The following MAML2 variants were observed in gnomAD, a reference collection of about 807,000 sequenced individuals.
MAML2 encodes the protein mastermind like transcriptional coactivator 2, also known as mastermind-like protein 2.
Under a neutral mutation model 96.1 loss-of-function variants are expected in MAML2, and 22 were observed. The ratio of observed to expected loss-of-function variants is 0.23; its 90% CI spans 0.16 to 0.33. MAML2 has a LOEUF of 0.33. Among genes scored for constraint, MAML2 ranks in the 10% least tolerant of loss-of-function variants. The pLI is 1.00. For synonymous variants in MAML2, 561 were observed against 521.3 expected (o/e 1.08, Z -1.04); for missense variants, 1,367 against 1,392.4 (o/e 0.98, Z 0.29).
intron 2 of MAML2, among the ~76,000 whole-genome samples, chr11:96,087,623 C>T (rs1243743441): frequency 6.6e-6 from 1 of 152,194 alleles, no homozygotes; most frequent in African/African-American, 2.4e-5. Context: ...AGGTATGTCA[C>T]CATTTTTTTA....
chr11:96,131,157 C>G (rs1279844007), intron 1 of MAML2, among the ~76,000 whole-genome samples: 1 of 152,018 alleles, frequency 6.6e-6, no homozygotes, highest in Non-Finnish European at 1.5e-5. Flanking sequence ...TAAAAAGATA[C>G]TCCAGACATT....
chr11:96,287,135 C>T (rs1414391164), intron 1 of MAML2, among the ~76,000 whole-genome samples: 2 of 152,194 alleles, frequency 1.3e-5, no homozygotes, highest in African/African-American at 4.8e-5. Flanking sequence ...AGAATATTGT[C>T]ATCAGATAGT....
rs766133743 is a variant in MAML2, at chr11:96,092,207, CTGT to C, written c.1821_1823del (p.Gln621del). 3,004 of 1,143,112 alleles carry C rather than the reference CTGT, an allele frequency of 2.6e-3. 16 individuals are homozygous for C. Among genetic ancestry groups the C allele is most frequent in the East Asian group, 5.4e-4 (14 of 25,948 alleles). 70.8% of individuals were successfully genotyped at this position (1,143,112 alleles called of 1,614,324 possible). On this transcript the variant is annotated inframe_deletion, in exon 2 of 5. Coordinates refer to ENST00000524717, the MANE Select transcript of MAML2 (RefSeq NM_032427.4). The surrounding 1 kb of genome is among the most constrained non-coding windows in gnomAD (Gnocchi z 4.1). ...GCTGTTGCTGTTGCTGCTGCTGCTG[CTGT>C]TGCTGCTGCTGCTGCTGCTGCTGCT...
At chr11:96,286,693 A>G (rs1180682623) in intron 1 of MAML2, among the ~76,000 whole-genome samples, 1 of 151,238 alleles carries the variant, frequency 6.6e-6, no homozygotes, top group Non-Finnish European at 1.5e-5. Context: ...TGAATAAATT[A>G]CTATGCCAAT....
chr11:96,217,679 A>G (rs1157631762), intron 1 of MAML2, among the ~76,000 whole-genome samples: 2 of 152,266 alleles, frequency 1.3e-5, no homozygotes, highest in East Asian at 3.8e-4. Context: ...CTAGTTGATC[A>G]TATACCTGAG....
At chr11:96,265,475 G>A (rs567160726) in intron 1 of MAML2, among the ~76,000 whole-genome samples, 3 of 149,972 alleles carry the variant, frequency 2.0e-5, no homozygotes, top group Admixed American at 2.0e-4. Flanking sequence ...TGGAAGAGGG[G>A]AAGGGAAGTG....
intron 1 of MAML2, among the ~76,000 whole-genome samples, chr11:96,112,042 T>A (rs1860133027): frequency 6.6e-6 from 1 of 152,058 alleles, no homozygotes. Context: ...AACAAGCAGA[T>A]CCTTGTGCCA....
intron 1 of MAML2, among the ~76,000 whole-genome samples, chr11:96,171,072 G>A (rs1003128746): frequency 1.3e-5 from 2 of 151,662 alleles, no homozygotes; most frequent in Non-Finnish European, 2.9e-5. Context: ...GTTGAGCCCT[G>A]GGTTCCCACT....
At chr11:96,208,426 G>A (rs1861924163) in intron 1 of MAML2, among the ~76,000 whole-genome samples, 1 of 152,006 alleles carries the variant, frequency 6.6e-6, no homozygotes, top group African/African-American at 2.4e-5. Context: ...TGATTTCTGG[G>A]ACTATTAAAA....
chr11:96,016,345 A>T (rs1858352291), intron 2 of MAML2, among the ~76,000 whole-genome samples: 1 of 152,154 alleles, frequency 6.6e-6, no homozygotes, highest in Non-Finnish European at 1.5e-5. Context: ...AGACTAGAAG[A>T]TGAAAGCTGG....
At chr11:96,275,328 A>AGT (rs1189822778) in intron 1 of MAML2, among the ~76,000 whole-genome samples, 1 of 120,722 alleles carries the variant, frequency 8.3e-6, no homozygotes. Context: ...CCCAGGCTGG[A>AGT]GTGCAGTGGC....
intron 1 of MAML2, among the ~76,000 whole-genome samples, chr11:96,202,350 C>CCAA (rs1555023767): frequency 9.3e-6 from 1 of 107,542 alleles, no homozygotes; most frequent in Non-Finnish European, 1.8e-5. Context: ...GACTCCATCT[C>CCAA]AAAAAAAAAA....
chr11:96,110,229 A>T (rs1465901926), intron 1 of MAML2, among the ~76,000 whole-genome samples: 1 of 152,138 alleles, frequency 6.6e-6, no homozygotes, highest in Non-Finnish European at 1.5e-5. Context: ...TTCTTCTTAA[A>T]AGCTCTACTG....
intron 1 of MAML2, among the ~76,000 whole-genome samples, chr11:96,186,068 C>T (rs1861570940): frequency 6.6e-6 from 1 of 152,162 alleles, no homozygotes; most frequent in Non-Finnish European, 1.5e-5. Flanking sequence ...GTGTATAGAA[C>T]CCACAAATTC....
intron 1 of MAML2, among the ~76,000 whole-genome samples, chr11:96,221,590 A>G (rs1258631887): frequency 2.0e-5 from 3 of 152,100 alleles, no homozygotes; most frequent in Middle Eastern, 3.2e-3. Flanking sequence ...CCACTTAAGA[A>G]GTTTCATAGC....
chr11:96,286,684 G>A (rs933736308), intron 1 of MAML2, among the ~76,000 whole-genome samples: 1 of 143,194 alleles, frequency 7.0e-6, no homozygotes, highest in Non-Finnish European at 1.5e-5. Flanking sequence ...AATGTTTGTT[G>A]AATAAATTAC....
At position 96,341,668 on chromosome 11, in the gene MAML2, G is replaced by C; in HGVS notation, c.228C>G (p.Leu76=). 6.3e-7 allele frequency: 1 copy of C among 1,582,278 alleles called. No homozygotes were observed. Among genetic ancestry groups the C allele is most frequent in the Non-Finnish European group, 8.6e-7 (1 of 1,163,818 alleles). Residue 76 remains leucine, a synonymous_variant, in exon 1 of 5, where the codon CTC becomes CTG. Coordinates refer to ENST00000524717, the MANE Select transcript of MAML2 (RefSeq NM_032427.4). ...CCTGGCCATGCTGTACAAGGCTCAG[G>C]AGCTGCAAGGTGCTTTCTCTTTCCC... is the stretch of plus-strand genomic sequence containing the variant. ...SDRERESTLQ[L]LSLVQHGQGA... is the part of the protein sequence containing the mutation.
At chr11:96,064,130 CA>C (rs1367242075) in intron 2 of MAML2, among the ~76,000 whole-genome samples, 2 of 152,148 alleles carry the variant, frequency 1.3e-5, no homozygotes, top group Non-Finnish European at 2.9e-5. Flanking sequence ...GGCTCCTAAG[CA>C]CGGCAATATT....
At chr11:96,177,919 TGTGTGTGTGTG>T (rs1861412989) in intron 1 of MAML2, among the ~76,000 whole-genome samples, 1 of 64,930 alleles carries the variant, frequency 1.5e-5, no homozygotes, top group African/African-American at 9.3e-5. Flanking sequence ...ACCTTAGTTG[TGTGTGTGTGTG>T]TGTGTGTGTG....
Sources: allele counts gnomAD v4.1 joint callset (sites outside exome capture counted in the v4.1 genomes callset), GRCh38; gene constraint gnomAD v4.1.1; non-coding constraint Gnocchi (gnomAD v3.1); transcripts MANE v1.5; gene names NCBI Gene and HGNC (gene_info 2026-07-23, HGNC 2026-07-21).